MCTP1: variants seen among roughly 807,000 people sequenced by gnomAD.
MCTP1 encodes multiple C2 and transmembrane domain containing 1, also known as multiple C2 and transmembrane domain-containing protein 1.
In MCTP1, 69 loss-of-function variants were observed where a neutral mutation model predicts 120.6. The ratio of observed to expected loss-of-function variants is 0.57; its 90% CI spans 0.47 to 0.70. MCTP1 has a LOEUF of 0.70. Among genes scored for constraint, MCTP1 ranks in the 30% least tolerant of loss-of-function variants. The probability of loss-of-function intolerance (pLI) is 0.00; values close to 1 mark genes in which losing one functional copy is unlikely to be tolerated. For synonymous variants in MCTP1, 529 were observed against 493.1 expected (o/e 1.07, Z -0.96); for missense variants, 1,203 against 1,248.8 (o/e 0.96, Z 0.55).
chr5:95,252,679 A>G (rs954670551), intron 1 of MCTP1, among the ~76,000 whole-genome samples: 3 of 151,936 alleles, frequency 2.0e-5, no homozygotes, highest in Admixed American at 2.0e-4. Flanking sequence ...TAACATTTCT[A>G]TTTCTTAGGC....
At chr5:95,028,265 G>T (rs2153687629) in intron 1 of MCTP1, among the ~76,000 whole-genome samples, 1 of 152,224 alleles carries the variant, frequency 6.6e-6, no homozygotes, top group Admixed American at 6.5e-5. Flanking sequence ...TAGAATGCAT[G>T]GTTATAATGG....
intron 1 of MCTP1, among the ~76,000 whole-genome samples, chr5:95,100,139 G>A (rs1471544151): frequency 8.3e-6 from 1 of 119,876 alleles, no homozygotes; most frequent in Admixed American, 9.7e-5. Context: ...GGGGGGAGGG[G>A]GGAGGGATAG....
At chr5:94,859,481 C>G (rs559491555) in intron 17 of MCTP1, among the ~76,000 whole-genome samples, 2 of 151,610 alleles carry the variant, frequency 1.3e-5, no homozygotes, top group Admixed American at 6.6e-5. Flanking sequence ...GATAAATGTT[C>G]GAGGTGCTGC....
rs141353858 is a variant in MCTP1 at position 94,811,987 on chromosome 5, G to A, written c.2437-12855C>T. On this transcript the variant is annotated intron_variant, in intron 17 of 22. Transcript: ENST00000515393. The stretch of plus-strand genomic sequence containing the variant: ...AAAGCCCTGTTTCTAAAAATGACCT[G>A]TCAGGAGTGGACATATTTTGTTGAG... Among the ~76,000 whole-genome samples the A allele has an allele frequency of 2.5e-3, 375 of 152,214 alleles. 4 individuals carry two copies. The highest frequency in any genetic ancestry group is 0.02 in the Admixed American group (303 of 15,288).
chr5:94,720,535 C>T (rs1760662641), intron 19 of MCTP1, among the ~76,000 whole-genome samples: 1 of 152,024 alleles, frequency 6.6e-6, no homozygotes, highest in South Asian at 2.1e-4. Context: ...ATAATGACAT[C>T]AAAAACGCTT....
At chr5:95,204,502 C>G (rs1283782464) in intron 1 of MCTP1, among the ~76,000 whole-genome samples, 1 of 152,198 alleles carries the variant, frequency 6.6e-6, no homozygotes, top group Non-Finnish European at 1.5e-5. Context: ...ATCTATTCAA[C>G]ACTGCACTAG....
chr5:94,907,642 T>C (rs1807275892), intron 10 of MCTP1, among the ~76,000 whole-genome samples: 1 of 152,154 alleles, frequency 6.6e-6, no homozygotes, highest in Non-Finnish European at 1.5e-5. Flanking sequence ...CTGTCAACCA[T>C]GTCTGCCCTT....
At chr5:94,816,417 A>C (rs1002628520) in intron 17 of MCTP1, among the ~76,000 whole-genome samples, 1 of 152,146 alleles carries the variant, frequency 6.6e-6, no homozygotes, top group Non-Finnish European at 1.5e-5. Flanking sequence ...TGTTTATCTC[A>C]CTTCTAAGAA....
intron 1 of MCTP1, among the ~76,000 whole-genome samples, chr5:95,166,917 C>CTTTTTTT (rs386404479): frequency 3.6e-5 from 5 of 137,864 alleles, no homozygotes; most frequent in East Asian, 4.4e-4. Context: ...CCTTTCTATT[C>CTTTTTTT]TTTTTTTTTT....
At chr5:95,091,501 T>A (rs977513801) in intron 1 of MCTP1, among the ~76,000 whole-genome samples, 1 of 152,106 alleles carries the variant, frequency 6.6e-6, no homozygotes, top group Admixed American at 6.6e-5. Context: ...GGCTAGAACA[T>A]AAAAGGTTGT....
At chr5:95,124,419 A>G (rs1758471272) in intron 1 of MCTP1, among the ~76,000 whole-genome samples, 1 of 152,256 alleles carries the variant, frequency 6.6e-6, no homozygotes, top group Non-Finnish European at 1.5e-5. Flanking sequence ...CAAAAAGTAT[A>G]TGGATTAAAC....
chr5:94,835,910 A>T (rs1789631834), intron 17 of MCTP1, among the ~76,000 whole-genome samples: 1 of 152,172 alleles, frequency 6.6e-6, no homozygotes, highest in Non-Finnish European at 1.5e-5. Flanking sequence ...AGGCTGAGGC[A>T]GGAGAATGGT....
chr5:95,249,723 C>T (rs540401332), intron 1 of MCTP1, among the ~76,000 whole-genome samples: 4 of 152,132 alleles, frequency 2.6e-5, no homozygotes, highest in Non-Finnish European at 1.5e-5. Flanking sequence ...TTTACTGTGA[C>T]ACTATTCACA....
chr5:95,284,218 T>TG lies in MCTP1; in HGVS notation c.357dup (p.Thr120HisfsTer63). 5 of 1,578,390 alleles carry TG rather than the reference T, an allele frequency of 3.2e-6. No homozygotes were observed. Among genetic ancestry groups the TG allele is most frequent in the Non-Finnish European group, 4.3e-6 (5 of 1,168,362 alleles). ...TGCTCGCGGATCCGGCGGCGTAGCGTGGACCCCTGCTCGGCTCTGCCGGCG... is the reference window on the plus strand; with the variant it reads ...TGCTCGCGGATCCGGCGGCGTAGCGTGGGACCCCTGCTCGGCTCTGCCGGCG... On this transcript the variant is annotated frameshift_variant, in exon 1 of 23. Coordinates refer to ENST00000515393, the MANE Select transcript of MCTP1 (RefSeq NM_024717.7). LOFTEE classifies it high-confidence loss of function. The surrounding 1 kb of genome is among the most constrained non-coding windows in gnomAD (Gnocchi z 5.2).
intron 1 of MCTP1, among the ~76,000 whole-genome samples, chr5:95,097,755 A>G (rs1364858749): frequency 1.3e-5 from 2 of 152,160 alleles, no homozygotes; most frequent in Non-Finnish European, 2.9e-5. Context: ...TTCAGGATGT[A>G]TTTTGGGTAA....
chr5:94,959,691 A>G (rs1345036922), intron 2 of MCTP1, among the ~76,000 whole-genome samples: 1 of 152,196 alleles, frequency 6.6e-6, no homozygotes, highest in East Asian at 1.9e-4. Flanking sequence ...AGAATACAAT[A>G]CCTAGGAATA....
At chr5:95,212,848 T>C (rs564388277) in intron 1 of MCTP1, among the ~76,000 whole-genome samples, 1 of 152,336 alleles carries the variant, frequency 6.6e-6, no homozygotes, top group South Asian at 2.1e-4. Context: ...AAATTAGGTA[T>C]TCACGGGACG....
chr5:95,020,303 GGAA>G (rs1837955951), intron 1 of MCTP1, among the ~76,000 whole-genome samples: 2 of 151,988 alleles, frequency 1.3e-5, no homozygotes. Flanking sequence ...TGCAGGTTAA[GGAA>G]TTTCCAAAGA....
At chr5:94,885,692 G>T (rs293056) in intron 12 of MCTP1, among the ~76,000 whole-genome samples, 26,868 of 151,362 alleles carry the variant, frequency 0.18, 2,960 homozygotes, top group Non-Finnish European at 0.24. Context: ...GTGAACGCGG[G>T]GCCAGACAGT....
Sources: allele counts gnomAD v4.1 joint callset (sites outside exome capture counted in the v4.1 genomes callset), GRCh38; gene constraint gnomAD v4.1.1; non-coding constraint Gnocchi (gnomAD v3.1); transcripts MANE v1.5; gene names NCBI Gene and HGNC (gene_info 2026-07-23, HGNC 2026-07-21).